UBXN7: variants seen among roughly 807,000 people sequenced by gnomAD.
UBXN7 encodes UBX domain protein 7.
UBXN7 carries 9 observed loss-of-function variants against 58.0 expected under a neutral mutation model. That is an observed-to-expected ratio of 0.16 (90% CI 0.09 to 0.27). UBXN7 has a LOEUF of 0.27. Ranked by LOEUF, UBXN7 falls within the 10% of genes least tolerant of loss-of-function variation. UBXN7 has a pLI of 1.00. For missense variants in UBXN7, 328 were observed against 599.6 expected (o/e 0.55, Z 4.73); for synonymous variants, 208 against 205.0 (o/e 1.01, Z -0.12).
At chr3:196,411,381 C>T (rs1024761685) in intron 1 of UBXN7, among the ~76,000 whole-genome samples, 5 of 152,290 alleles carry the variant, frequency 3.3e-5, no homozygotes, top group Admixed American at 6.5e-5. Context: ...TAATTTTGCA[C>T]TTTGTGCATA....
At chr3:196,428,443 A>T (rs983185448) in intron 1 of UBXN7, among the ~76,000 whole-genome samples, 2 of 79,736 alleles carry the variant, frequency 2.5e-5, no homozygotes, top group Non-Finnish European at 4.7e-5. Flanking sequence ...ACAGAACAAG[A>T]CCGTCTTTAA....
chr3:196,376,545 CAAA>C (rs777458391), intron 5 of UBXN7, among the ~76,000 whole-genome samples: 1,239 of 50,740 alleles, frequency 0.024, 4 homozygotes, highest in African/African-American at 0.071. Context: ...GACTCTGTCT[CAAA>C]AAAAAAAAAA....
intron 6 of UBXN7, among the ~76,000 whole-genome samples, chr3:196,371,482 GTTTGT>G (rs1325634685): frequency 6.6e-6 from 1 of 152,020 alleles, no homozygotes; most frequent in African/African-American, 2.4e-5. Context: ...AGTACAGTTT[GTTTGT>G]TTTGTTTTGT....
chr3:196,396,828 T>C (rs1057324623), intron 3 of UBXN7, among the ~76,000 whole-genome samples: 1 of 152,142 alleles, frequency 6.6e-6, no homozygotes, highest in African/African-American at 2.4e-5. Flanking sequence ...GAAAGTATAT[T>C]ATTTTAGGAA....
At chr3:196,390,246 G>A (rs1729536174) in intron 5 of UBXN7, among the ~76,000 whole-genome samples, 1 of 151,910 alleles carries the variant, frequency 6.6e-6, no homozygotes, top group South Asian at 2.1e-4. Context: ...AAAAGGGAAA[G>A]ATAGGGTCTC....
chr3:196,389,846 A>G (rs1002881696), intron 5 of UBXN7, among the ~76,000 whole-genome samples: 1 of 152,236 alleles, frequency 6.6e-6, no homozygotes, highest in Non-Finnish European at 1.5e-5. Context: ...CATGTATGAC[A>G]GTGTAAAAGT....
intron 1 of UBXN7, among the ~76,000 whole-genome samples, chr3:196,425,076 C>T (rs1226118747): frequency 6.6e-6 from 1 of 152,160 alleles, no homozygotes; most frequent in Non-Finnish European, 1.5e-5. Context: ...TATTCATCTG[C>T]TTCAACAGCT....
chr3:196,396,694 T>C (rs1426480652), intron 3 of UBXN7, among the ~76,000 whole-genome samples: 1 of 151,696 alleles, frequency 6.6e-6, no homozygotes, highest in Non-Finnish European at 1.5e-5. Flanking sequence ...ACCCAGGAGG[T>C]GGAGCTTGCA....
At chr3:196,404,217 A>C (rs1425152858) in intron 2 of UBXN7, among the ~76,000 whole-genome samples, 1 of 151,586 alleles carries the variant, frequency 6.6e-6, no homozygotes, top group African/African-American at 2.4e-5. Context: ...AAGTATTATT[A>C]TATAAGCATG....
At chr3:196,424,807 A>G (rs968753601) in intron 1 of UBXN7, among the ~76,000 whole-genome samples, 4 of 150,392 alleles carry the variant, frequency 2.7e-5, no homozygotes, top group African/African-American at 4.9e-5. Context: ...GGTTCAAGCA[A>G]TTCTCCTGCC....
Position 196,368,165 on chromosome 3 carries a change from A to G in UBXN7, c.707-10T>C. On this transcript the variant is annotated splice_polypyrimidine_tract_variant and intron_variant, in intron 7 of 10. Transcript: ENST00000296328. ...TCTACTAGCTTCTGACCTAAGGATT[A>G]AAAACCAAGATCTATAAATAAATAT... The G allele has an allele frequency of 6.2e-7, 1 of 1,604,320 alleles. No homozygotes were observed. Among genetic ancestry groups the G allele is most frequent in the Middle Eastern group, 1.7e-4 (1 of 6,014 alleles).
At chr3:196,407,971 A>G (rs1358458573) in intron 1 of UBXN7, among the ~76,000 whole-genome samples, 4 of 150,422 alleles carry the variant, frequency 2.7e-5, no homozygotes, top group Non-Finnish European at 5.9e-5. Flanking sequence ...GGTGGTACAC[A>G]CCTGTAATCC....
Position 196,374,156 on chromosome 3 carries a change from G to A in UBXN7, c.469-2114C>T, listed in dbSNP as rs146547811. 8.6e-3 allele frequency among the ~76,000 whole-genome samples: 1,308 copies of A among 152,128 alleles called. 17 individuals are homozygous for A. Among genetic ancestry groups the A allele is most frequent in the African/African-American group, 0.029 (1,221 of 41,480 alleles). On this transcript the variant is annotated intron_variant, in intron 5 of 10. Transcript: ENST00000296328. ...ATACGTTCTAGAGATAGACTAGAGC[G>A]CACATATTCCTACAGCAGGGTAAAT...
chr3:196,407,637 A>T (rs1730202536), intron 1 of UBXN7, among the ~76,000 whole-genome samples: 1 of 152,154 alleles, frequency 6.6e-6, no homozygotes, highest in African/African-American at 2.4e-5. Context: ...ACAAAAACTA[A>T]ATAAAGCATT....
chr3:196,373,465 G>T (rs934989801), intron 5 of UBXN7, among the ~76,000 whole-genome samples: 1 of 152,178 alleles, frequency 6.6e-6, no homozygotes, highest in African/African-American at 2.4e-5. Context: ...GCCTAGGAAA[G>T]AACAGTGACA....
chr3:196,425,336 T>C (rs1051090011), intron 1 of UBXN7, among the ~76,000 whole-genome samples: 4 of 151,714 alleles, frequency 2.6e-5, no homozygotes, highest in Admixed American at 6.6e-5. Flanking sequence ...CTTCTACTGA[T>C]CTCTGTGCCT....
Position 196,417,723 on chromosome 3 carries a change from TTAAAAAAAAAAAAAAAA to T in UBXN7, c.74-10347_74-10331del, listed in dbSNP as rs1243958840. Among the ~76,000 whole-genome samples, 9 of 78,412 alleles carry T rather than the reference TTAAAAAAAAAAAAAAAA, an allele frequency of 1.1e-4. 1 individual carries two copies. Among genetic ancestry groups the T allele is most frequent in the South Asian group, 4.7e-4 (1 of 2,148 alleles). The allele number at this position is 78,412 out of a possible 152,430, so 51.4% of individuals were successfully genotyped here. ...TTTGAGACCAGTCTGGGCAAAATGG[TTAAAAAAAAAAAAAAAA>T]AAAAAAAAAAAAAAAAACCATCTCT... On this transcript the variant is annotated intron_variant, in intron 1 of 10. Coordinates refer to ENST00000296328, the MANE Select transcript of UBXN7 (RefSeq NM_015562.2).
rs1012440193 is a variant in UBXN7 at position 196,353,339 on chromosome 3, A to G, written c.*3346T>C. 5.3e-5 allele frequency: 8 copies of G among 152,234 alleles called. No homozygotes were observed. Among genetic ancestry groups the G allele is most frequent in the Non-Finnish European group, 1.0e-4 (7 of 68,032 alleles). 9.4% of individuals were successfully genotyped at this position (152,234 alleles called of 1,614,324 possible). ...GGAGATTGAAGAGGCAAATGTACAC[A>G]AAAGTATCTGGTGCATGCCAATTAG... is the stretch of plus-strand genomic sequence containing the variant. On this transcript the variant is annotated 3_prime_UTR_variant, in exon 11 of 11. Coordinates refer to ENST00000296328, the MANE Select transcript of UBXN7 (RefSeq NM_015562.2).
At chr3:196,429,008 C>CT (rs1422371748) in intron 1 of UBXN7, among the ~76,000 whole-genome samples, 2 of 92,768 alleles carry the variant, frequency 2.2e-5, no homozygotes, top group Non-Finnish European at 4.3e-5. Context: ...ACCTCCATCT[C>CT]TTAAAAAAAA....
Sources: gnomAD v4.1 joint callset for allele counts (sites outside exome capture counted in the v4.1 genomes callset) on GRCh38, gnomAD v4.1.1 for gene constraint, MANE v1.5 for transcripts, NCBI Gene and HGNC (gene_info 2026-07-23, HGNC 2026-07-21) for gene names.